The following COL11A1 variants were observed in gnomAD, a reference collection of about 807,000 sequenced individuals.
COL11A1 encodes collagen alpha-1(XI) chain.
COL11A1 carries 74 observed loss-of-function variants against 265.2 expected under a neutral mutation model. The observed-to-expected ratio is 0.28, with a 90% CI of 0.23 to 0.34. The LOEUF (loss-of-function observed/expected upper bound fraction) is 0.34. COL11A1 is among the 10% of genes least tolerant of loss of function. The pLI is 1.00. For synonymous variants in COL11A1, 816 were observed against 727.6 expected, an observed-to-expected ratio of 1.12 and a Z score of -1.96; for missense variants, 2,165 against 2,263.6, an observed-to-expected ratio of 0.96 and a Z score of 0.88.
intron 4 of COL11A1, among the ~76,000 whole-genome samples, chr1:103,050,457 C>G (rs12130855): frequency 0.14 from 20,923 of 152,136 alleles, 1,542 homozygotes; most frequent in African/African-American, 0.15. Context: ...TCCATCAGGT[C>G]CTTTAAGGAC....
intron 29 of COL11A1, 38 bp from the exon 30 acceptor site, chr1:102,987,778 G>A (rs377168187): frequency 2.8e-5 from 42 of 1,475,284 alleles, no homozygotes; most frequent in South Asian, 1.5e-4. Flanking sequence ...TGAGTGAAAC[G>A]TCCTTTACAA....
rs1446921249 is a variant in COL11A1, at chr1:102,974,812, A to G, written c.2808+18T>C. 4 of 1,601,562 alleles carry G rather than the reference A, an allele frequency of 2.5e-6. No homozygotes were observed. In the African/African-American group the frequency reaches 4.0e-5, roughly 16 times the overall value. On this transcript the variant is annotated intron_variant, in intron 36 of 66. Transcript: ENST00000370096. ...AAATATCAAATGAAGAAAGAGAAAG[A>G]GAAGCTCTGACACTTACAGGAGGGC...
intron 1 of COL11A1, among the ~76,000 whole-genome samples, chr1:103,097,253 T>C (rs528024255): frequency 8.3e-4 from 126 of 152,032 alleles, no homozygotes; most frequent in African/African-American, 2.8e-3. Flanking sequence ...TTTATGATCT[T>C]GTGTTATGTG....
At position 102,886,928 on chromosome 1, in the gene COL11A1, T is replaced by G. The variant is rs1651058219; in HGVS notation, c.4737A>C (p.Ile1579=). Residue 1579 remains isoleucine, a synonymous_variant, in exon 63 of 67, where the codon ATA becomes ATC. Transcript: ENST00000370096. ...GTTTCAGGGAATTGAGGGAACCAAA[T>G]ATTTCTTCCATTCCATCCGAGTAAT... ...ILDYSDGMEE[I]FGSLNSLKQD... The G allele has an allele frequency of 9.9e-6, 16 of 1,613,888 alleles. No homozygotes were observed. Among genetic ancestry groups the G allele is most frequent in the Non-Finnish European group, 1.4e-5 (16 of 1,179,836 alleles).
At chr1:102,951,614 G>A (rs192205664) in intron 41 of COL11A1, among the ~76,000 whole-genome samples, 1 of 151,992 alleles carries the variant, frequency 6.6e-6, no homozygotes, top group African/African-American at 2.4e-5. Flanking sequence ...CAGGTGGTAG[G>A]TGATAGTCCC....
chr1:103,100,796 G>A (rs1674201177), intron 1 of COL11A1: 1 of 151,910 alleles, frequency 6.6e-6, no homozygotes, highest in Admixed American at 6.6e-5. Flanking sequence ...TTCAAATTCT[G>A]GGTCTACTAC....
At chr1:103,042,214 C>T (rs369889711) in intron 4 of COL11A1, among the ~76,000 whole-genome samples, 1 of 151,876 alleles carries the variant, frequency 6.6e-6, no homozygotes, top group African/African-American at 2.4e-5. Context: ...GAAAATAAAC[C>T]TCCTCTCAAA....
intron 4 of COL11A1, among the ~76,000 whole-genome samples, chr1:103,048,216 G>A (rs1669473393): frequency 6.6e-6 from 1 of 152,172 alleles, no homozygotes; most frequent in African/African-American, 2.4e-5. Flanking sequence ...GAATTTGGCT[G>A]TGAATCCATC....
rs6668897 is a variant in COL11A1, at chr1:103,078,635, C to T, written c.488+23G>A. 242,756 of 1,598,358 alleles carry T rather than the reference C, an allele frequency of 0.15. 19,569 individuals carry two copies. The highest frequency in any genetic ancestry group is 0.2 in the Admixed American group (11,725 of 59,742). Reference sequence around the variant, plus strand: ...AAAAATGATTTTGGCATAGCTAAAACATTGTATTATTTTGTTACTTACTTC... The same window carrying T: ...AAAAATGATTTTGGCATAGCTAAAATATTGTATTATTTTGTTACTTACTTC... On this transcript the variant is annotated intron_variant, in intron 3 of 66. Transcript: ENST00000370096.
chr1:102,922,125 T>C (rs1231339055), intron 47 of COL11A1, among the ~76,000 whole-genome samples: 1 of 152,214 alleles, frequency 6.6e-6, no homozygotes, highest in Non-Finnish European at 1.5e-5. Context: ...AAAATACTGA[T>C]GCCAGAAACT....
rs183781332 is a variant in COL11A1, at chr1:102,996,295, T to C, written c.2242-253A>G. On this transcript the variant is annotated intron_variant, in intron 26 of 66. Coordinates refer to ENST00000370096, the MANE Select transcript of COL11A1 (RefSeq NM_001854.4). ...AAAATACAATATTGAAATGGACTAATAAGGCAAATCTTACAAGCATGTAAA... is the reference window on the plus strand; with the variant it reads ...AAAATACAATATTGAAATGGACTAACAAGGCAAATCTTACAAGCATGTAAA... Among the ~76,000 whole-genome samples, 171 of 152,122 alleles carry C rather than the reference T, an allele frequency of 1.1e-3. 1 individual carries two copies. Among genetic ancestry groups the C allele is most frequent in the Non-Finnish European group, 2.0e-3 (133 of 67,952 alleles).
chr1:103,101,642 A>G (rs1040421608), intron 1 of COL11A1, among the ~76,000 whole-genome samples: 1 of 151,884 alleles, frequency 6.6e-6, no homozygotes, highest in East Asian at 1.9e-4. Context: ...TACTCTGTGC[A>G]CTCAAGTTCT....
At chr1:103,014,437 T>C in intron 13 of COL11A1, 74 bp downstream of exon 13, 1 of 1,203,016 alleles carries the variant, frequency 8.3e-7, no homozygotes, top group Non-Finnish European at 1.2e-6. Context: ...TGGTAGCATC[T>C]TCCGTATGTA....
At chr1:103,057,313 T>G (rs961025174) in intron 4 of COL11A1, among the ~76,000 whole-genome samples, 4 of 152,210 alleles carry the variant, frequency 2.6e-5, no homozygotes, top group African/African-American at 9.6e-5. Flanking sequence ...AGTTTTATCA[T>G]GAGGTTACAG....
intron 4 of COL11A1, among the ~76,000 whole-genome samples, chr1:103,037,297 C>T (rs1010532928): frequency 2.6e-4 from 38 of 148,906 alleles, no homozygotes; most frequent in Middle Eastern, 3.5e-3. Context: ...TAAAGAATCA[C>T]ATTTATTGGA....
At position 102,945,744 on chromosome 1, in the gene COL11A1, G is replaced by GA. The variant is rs1016041042; in HGVS notation, c.3276+1104dup. 5.3e-5 allele frequency among the ~76,000 whole-genome samples: 8 copies of GA among 151,458 alleles called. No individual in the cohort carries two copies. In the South Asian group the frequency reaches 1.2e-3, roughly 24 times the overall value. ...AAAAATACAATCATATCAAAAGCAG[G>GA]AAAAAAAATAGAGAAGAAATCTTAA... is the stretch of plus-strand genomic sequence containing the variant. On this transcript the variant is annotated intron_variant, in intron 42 of 66. Transcript: ENST00000370096.
intron 46 of COL11A1, among the ~76,000 whole-genome samples, chr1:102,926,267 G>A (rs545724500): frequency 3.9e-5 from 6 of 152,142 alleles, no homozygotes; most frequent in South Asian, 2.1e-4. Context: ...TAATTTATGC[G>A]TGGAGAGATT....
intron 65 of COL11A1, 176 bp from the exon 66 acceptor site, chr1:102,880,092 G>A (rs1341313466): frequency 1.7e-6 from 1 of 592,892 alleles, no homozygotes; most frequent in Admixed American, 3.0e-5. Flanking sequence ...CCAGAGACAA[G>A]ATTTTATGAA....
intron 54 of COL11A1, among the ~76,000 whole-genome samples, chr1:102,903,774 C>T (rs1653531570): frequency 6.6e-6 from 1 of 152,202 alleles, no homozygotes; most frequent in South Asian, 2.1e-4. Flanking sequence ...TTATACCCCT[C>T]TATGATTAGA....
Sources: gnomAD v4.1 joint callset for allele counts (sites outside exome capture counted in the v4.1 genomes callset) on GRCh38, gnomAD v4.1.1 for gene constraint, MANE v1.5 for transcripts, NCBI Gene and HGNC (gene_info 2026-07-23, HGNC 2026-07-21) for gene names.